FAM20B: variants seen among roughly 807,000 people sequenced by gnomAD.
The protein encoded by FAM20B is FAM20B glycosaminoglycan xylosylkinase, also known as glycosaminoglycan xylosylkinase.
In FAM20B, 23 loss-of-function variants were observed where a neutral mutation model predicts 43.8. The ratio of observed to expected loss-of-function variants is 0.53; its 90% confidence interval spans 0.38 to 0.74. The LOEUF is 0.74. Among genes scored for constraint, FAM20B ranks in the 30% least tolerant of loss-of-function variants. The pLI is 0.00. For synonymous variants in FAM20B, 178 were observed against 192.4 expected (o/e 0.93, Z 0.62); for missense variants, 440 against 510.5 (o/e 0.86, Z 1.33).
intron 1 of FAM20B, among the ~76,000 whole-genome samples, chr1:179,040,572 T>C (rs1650454932): frequency 7.8e-6 from 1 of 127,696 alleles, no homozygotes. Flanking sequence ...ACGGGGCAGC[T>C]GGCCGGGCAG....
intron 4 of FAM20B, among the ~76,000 whole-genome samples, chr1:179,057,652 ACT>A (rs1358964690): frequency 6.6e-6 from 1 of 152,166 alleles, no homozygotes; most frequent in African/African-American, 2.4e-5. Context: ...AGATTTTAAG[ACT>A]CTAAAATCTT....
chr1:179,065,785 C>T (rs1181157484), intron 6 of FAM20B, among the ~76,000 whole-genome samples: 3 of 152,200 alleles, frequency 2.0e-5, no homozygotes, highest in Non-Finnish European at 4.4e-5. Context: ...GCCGCTATAA[C>T]AAAATCCCTT....
chr1:179,050,982 C>T (rs1159878695), intron 3 of FAM20B, among the ~76,000 whole-genome samples: 3 of 151,680 alleles, frequency 2.0e-5, no homozygotes, highest in East Asian at 2.0e-4. Flanking sequence ...ATTAGCTGGG[C>T]GTGGTGACAG....
At chr1:179,050,239 T>A (rs781522382) in intron 2 of FAM20B, 40 bp from the exon 3 acceptor site, 1 of 1,406,956 alleles carries the variant, frequency 7.1e-7, no homozygotes, top group Non-Finnish European at 1.0e-6. Context: ...GTTACTGGTG[T>A]AATCCACGTA....
Position 179,072,957 on chromosome 1 carries a change from A to G in FAM20B, c.*813A>G, listed in dbSNP as rs16853612. ...AAAAGTTGTCTCTAGAGAAAATACT[A>G]TTACAATCTAAGCATGATTCTCTGT... On this transcript the variant is annotated 3_prime_UTR_variant, in exon 8 of 8. Transcript: ENST00000263733. 0.14 allele frequency: 20,605 copies of G among 152,248 alleles called. 1,626 individuals are homozygous for G. Among genetic ancestry groups the G allele is most frequent in the East Asian group, 0.31 (1,588 of 5,178 alleles). 9.4% of individuals were successfully genotyped at this position (152,248 alleles called of 1,614,324 possible). A position where few individuals can be genotyped will look rare whatever the true frequency, so the allele number is the denominator to read the frequency against.
intron 3 of FAM20B, among the ~76,000 whole-genome samples, chr1:179,052,225 A>T (rs1372429061): frequency 6.6e-6 from 1 of 152,238 alleles, no homozygotes; most frequent in Non-Finnish European, 1.5e-5. Flanking sequence ...AAACATATGT[A>T]TGTTAAAACT....
chr1:179,040,617 CAGAG>C (rs1650458129), intron 1 of FAM20B, among the ~76,000 whole-genome samples: 1 of 135,650 alleles, frequency 7.4e-6, no homozygotes, highest in Non-Finnish European at 1.6e-5. Context: ...GGCGGCCGGG[CAGAG>C]GCGCCCCTCA....
In FAM20B at chr1:179,026,015, C is replaced by T. The variant is rs915059195; in HGVS notation, c.-217C>T. On this transcript the variant is annotated 5_prime_UTR_variant, in exon 1 of 8. Coordinates refer to ENST00000263733, the MANE Select transcript of FAM20B (RefSeq NM_014864.4). ...GCGGTGAGCGCGGCGTGGGGCTGCC[C>T]CTCCCCGGAGGCGGCGGGGGCGGCC... is the stretch of plus-strand genomic sequence containing the variant. 114 of 145,768 alleles carry T rather than the reference C, an allele frequency of 7.8e-4. No individual in the cohort carries two copies. Among genetic ancestry groups the T allele is most frequent in the African/African-American group, 2.6e-3 (105 of 40,434 alleles). 9.0% of individuals were successfully genotyped at this position (145,768 alleles called of 1,614,324 possible).
At chr1:179,043,115 G>T (rs1557870483) in intron 1 of FAM20B, among the ~76,000 whole-genome samples, 2 of 152,282 alleles carry the variant, frequency 1.3e-5, no homozygotes, top group East Asian at 3.9e-4. Flanking sequence ...TTGTACCAAG[G>T]GATGCCTGCA....
intron 1 of FAM20B, among the ~76,000 whole-genome samples, chr1:179,030,950 C>G (rs1183967620): frequency 6.6e-6 from 1 of 151,822 alleles, no homozygotes; most frequent in Non-Finnish European, 1.5e-5. Context: ...GGGATCATGC[C>G]TGGAGCCACC....
chr1:179,027,076 C>T (rs944926310), intron 1 of FAM20B, among the ~76,000 whole-genome samples: 1 of 152,238 alleles, frequency 6.6e-6, no homozygotes, highest in African/African-American at 2.4e-5. Context: ...ATATCAGCAT[C>T]TTCCCCACCC....
the FAM20B span, among the ~76,000 whole-genome samples, chr1:179,018,357 A>T: frequency 6.6e-6 from 1 of 152,186 alleles, no homozygotes; most frequent in East Asian, 1.9e-4. Flanking sequence ...CCCAGGCTGG[A>T]GTACAATGGT....
intron 7 of FAM20B, among the ~76,000 whole-genome samples, chr1:179,068,367 AGTT>A (rs1651776167): frequency 6.6e-6 from 1 of 152,172 alleles, no homozygotes; most frequent in Admixed American, 6.5e-5. Context: ...TTGTGGTAGT[AGTT>A]TTATCAGTCT....
chr1:179,037,862 T>C (rs1650314741), intron 1 of FAM20B, among the ~76,000 whole-genome samples: 2 of 152,130 alleles, frequency 1.3e-5, no homozygotes. Flanking sequence ...AATGTGTTCG[T>C]CTGAGGCCGC....
intron 4 of FAM20B, among the ~76,000 whole-genome samples, chr1:179,061,713 A>C (rs887308087): frequency 7.9e-5 from 12 of 152,054 alleles, no homozygotes; most frequent in African/African-American, 2.9e-4. Context: ...CTGGTCATCA[A>C]ATGATGATTT....
chr1:179,048,563 T>TA (rs1056529633), intron 2 of FAM20B, among the ~76,000 whole-genome samples: 4 of 152,196 alleles, frequency 2.6e-5, no homozygotes, highest in Admixed American at 1.3e-4. Context: ...GTACTAAAAA[T>TA]AAAGTATTCA....
intron 1 of FAM20B, among the ~76,000 whole-genome samples, chr1:179,030,892 AAT>A (rs1649983293): frequency 6.6e-6 from 1 of 151,834 alleles, no homozygotes; most frequent in Admixed American, 6.6e-5. Context: ...AAAAAAAAAA[AAT>A]GTGTGTGTGT....
In FAM20B at chr1:179,043,749, C is replaced by T; in HGVS notation, c.-99C>T. 1 of 1,227,784 alleles carries T rather than the reference C, an allele frequency of 8.1e-7. No homozygotes were observed. The highest frequency in any genetic ancestry group is 1.1e-6 in the Non-Finnish European group (1 of 875,348). 76.1% of individuals were successfully genotyped at this position (1,227,784 alleles called of 1,614,324 possible). On this transcript the variant is annotated 5_prime_UTR_variant, in exon 2 of 8. It introduces an in-frame stop codon into an upstream open reading frame of the 5' UTR. Transcript: ENST00000263733. ...AAGGTGCATCAGTGAAGAAATGGAC[C>T]AATGTGTATAATCATGGAATCTCCT...
chr1:179,056,078 C>G (rs1001927752), intron 4 of FAM20B, among the ~76,000 whole-genome samples: 12 of 152,222 alleles, frequency 7.9e-5, no homozygotes, highest in African/African-American at 2.7e-4. Context: ...CCCCCATTAT[C>G]AACATCTCAC....
Sources: gnomAD v4.1 joint callset for allele counts (sites outside exome capture counted in the v4.1 genomes callset) on GRCh38, gnomAD v4.1.1 for gene constraint, MANE v1.5 for transcripts, NCBI Gene and HGNC (gene_info 2026-07-23, HGNC 2026-07-21) for gene names.